The following CFAP300 variants were observed in gnomAD, a reference collection of about 807,000 sequenced individuals.
CFAP300 encodes cilia and flagella associated protein 300, also known as cilia- and flagella-associated protein 300.
CFAP300 carries 32 observed loss-of-function variants against 33.0 expected under a neutral mutation model. That is an observed-to-expected ratio of 0.97 (90% confidence interval 0.73 to 1.30). The LOEUF is 1.30. Ranked by LOEUF, CFAP300 falls within the 50% of genes most tolerant of loss-of-function variation. The pLI is 0.00. For synonymous variants in CFAP300, 102 were observed against 106.8 expected (o/e 0.95, Z 0.28); for missense variants, 356 against 318.1 (o/e 1.12, Z -0.90).
intron 3 of CFAP300, among the ~76,000 whole-genome samples, chr11:102,060,926 T>G (rs1311209670): frequency 6.6e-6 from 1 of 152,126 alleles, no homozygotes; most frequent in East Asian, 1.9e-4. Flanking sequence ...TGAGAGAATA[T>G]ATTTACCCAA....
chr11:102,063,996 G>A (rs546522018), intron 3 of CFAP300, among the ~76,000 whole-genome samples: 1 of 152,070 alleles, frequency 6.6e-6, no homozygotes, highest in South Asian at 2.1e-4. Flanking sequence ...CTACCTCATT[G>A]AAACCCAATT....
At chr11:102,080,261 T>A (rs1481292537) in intron 5 of CFAP300, among the ~76,000 whole-genome samples, 2 of 152,222 alleles carry the variant, frequency 1.3e-5, no homozygotes, top group Admixed American at 6.5e-5. Context: ...ATTTTCTCAA[T>A]CCTTAGTTTG....
intron 3 of CFAP300, among the ~76,000 whole-genome samples, chr11:102,060,936 AC>A (rs1942142090): frequency 1.3e-5 from 2 of 152,150 alleles, no homozygotes; most frequent in Admixed American, 1.3e-4. Flanking sequence ...TATTTACCCA[AC>A]TCAAAATTTT....
At chr11:102,063,632 A>G (rs115763663) in intron 3 of CFAP300, among the ~76,000 whole-genome samples, 1,642 of 152,292 alleles carry the variant, frequency 0.011, 34 homozygotes, top group African/African-American at 0.038. Flanking sequence ...ATTTGAGACT[A>G]GCCTGGGCAA....
chr11:102,066,797 T>G, intron 4 of CFAP300, 146 bp downstream of exon 4: 1 of 654,880 alleles, frequency 1.5e-6, no homozygotes, highest in South Asian at 2.2e-5. Flanking sequence ...ATCCTAACAT[T>G]GGTAGATTTC....
intron 2 of CFAP300, among the ~76,000 whole-genome samples, chr11:102,048,545 C>G (rs1941922307): frequency 6.6e-6 from 1 of 152,148 alleles, no homozygotes; most frequent in South Asian, 2.1e-4. Flanking sequence ...AATATTATCA[C>G]ACAGCTTTAT....
At chr11:102,061,583 C>T (rs757266458) in intron 3 of CFAP300, among the ~76,000 whole-genome samples, 1 of 152,180 alleles carries the variant, frequency 6.6e-6, no homozygotes, top group Non-Finnish European at 1.5e-5. Flanking sequence ...GGGCATCATA[C>T]ACATTAACTC....
At chr11:102,059,916 A>T (rs11225114) in intron 3 of CFAP300, among the ~76,000 whole-genome samples, 2 of 151,052 alleles carry the variant, frequency 1.3e-5, no homozygotes, top group African/African-American at 4.9e-5. Flanking sequence ...CTCCCCAGTA[A>T]CTGGGATTAC....
rs866547497 is a variant in CFAP300 at position 102,083,306 on chromosome 11, T to G, written c.*107T>G. ...TTTGCAAATTAATTCAAGAAAAATGTAAGGAGCCTACTTAGAGCAGAAGAA... is the reference window on the plus strand; with the variant it reads ...TTTGCAAATTAATTCAAGAAAAATGGAAGGAGCCTACTTAGAGCAGAAGAA... On this transcript the variant is annotated 3_prime_UTR_variant, in exon 7 of 7. Coordinates refer to ENST00000434758, the MANE Select transcript of CFAP300 (RefSeq NM_032930.3). 5 of 914,278 alleles carry G rather than the reference T, an allele frequency of 5.5e-6. No homozygotes were observed. The highest frequency in any genetic ancestry group is 4.1e-4 in the Middle Eastern group (1 of 2,422). The allele number at this position is 914,278 out of a possible 1,614,324, so 56.6% of individuals were successfully genotyped here.
intron 3 of CFAP300, among the ~76,000 whole-genome samples, chr11:102,063,650 G>A (rs931470125): frequency 3.3e-5 from 5 of 151,910 alleles, no homozygotes; most frequent in African/African-American, 1.2e-4. Context: ...CAACACAGCA[G>A]ACCCTATCTC....
chr11:102,067,504 A>G (rs1044809624), intron 4 of CFAP300, among the ~76,000 whole-genome samples: 2 of 152,220 alleles, frequency 1.3e-5, no homozygotes, highest in Admixed American at 6.5e-5. Context: ...TAAATTATAT[A>G]GATTATTTAC....
rs1485114698 is a variant in CFAP300, at chr11:102,083,194, T to C, written c.799T>C (p.Ser267Pro). 2.0e-6 allele frequency: 3 copies of C among 1,487,512 alleles called. No homozygotes were observed. Among genetic ancestry groups the C allele is most frequent in the African/African-American group, 2.8e-5 (2 of 70,776 alleles). 92.1% of individuals were successfully genotyped at this position (1,487,512 alleles called of 1,614,324 possible). The change falls in exon 7 of 7, where the codon TCT (serine) becomes CCT (proline). Residue 267 changes from serine to proline, a missense_variant. Ser to Pro is a moderately conservative substitution (Grantham distance 74). Transcript: ENST00000434758. ...CCACTGTTATGGTGTGGGAGACATG[T>C]CTTAATGTTCTTTCAGATTATGTAC... is the stretch of plus-strand genomic sequence containing the variant. The part of the protein sequence containing the change: ...LYHCYGVGDM[S>P]
intron 3 of CFAP300, among the ~76,000 whole-genome samples, chr11:102,060,028 G>C (rs1375784690): frequency 6.6e-6 from 1 of 152,110 alleles, no homozygotes; most frequent in Non-Finnish European, 1.5e-5. Flanking sequence ...CTGGAGTGCA[G>C]TGGTGTGATC....
chr11:102,054,983 C>CTTTT (rs567430596), intron 2 of CFAP300, among the ~76,000 whole-genome samples: 1 of 144,058 alleles, frequency 6.9e-6, no homozygotes. Flanking sequence ...GTTTGATATT[C>CTTTT]TTTTTTTTTT....
intron 2 of CFAP300, among the ~76,000 whole-genome samples, chr11:102,056,649 A>G (rs1942062308): frequency 6.6e-6 from 1 of 151,946 alleles, no homozygotes; most frequent in South Asian, 2.1e-4. Flanking sequence ...GTTTTAAGAT[A>G]GTCTCACTCT....
chr11:102,058,425 TA>T (rs1942091418), intron 2 of CFAP300, among the ~76,000 whole-genome samples: 1 of 151,568 alleles, frequency 6.6e-6, no homozygotes, highest in Admixed American at 6.6e-5. Context: ...CTAAAACTCT[TA>T]CCTGCTTTGT....
At chr11:102,062,482 G>A (rs1174134702) in intron 3 of CFAP300, among the ~76,000 whole-genome samples, 1 of 152,160 alleles carries the variant, frequency 6.6e-6, no homozygotes, top group African/African-American at 2.4e-5. Context: ...GGAAACTGGG[G>A]TAAAGGTGAT....
At chr11:102,059,571 C>T (rs1311628315) in intron 3 of CFAP300, among the ~76,000 whole-genome samples, 3 of 152,010 alleles carry the variant, frequency 2.0e-5, no homozygotes, top group Non-Finnish European at 4.4e-5. Flanking sequence ...TTGATTGGAC[C>T]TGGGAGGTGG....
At chr11:102,047,923 T>G (rs368130129) in intron 2 of CFAP300, 27 bp downstream of exon 2, 1 of 1,607,620 alleles carries the variant, frequency 6.2e-7, no homozygotes, top group Non-Finnish European at 8.5e-7. Flanking sequence ...GAGAGTTCCC[T>G]GGGTCTCTGC....
Sources: allele counts gnomAD v4.1 joint callset (sites outside exome capture counted in the v4.1 genomes callset), GRCh38; gene constraint gnomAD v4.1.1; transcripts MANE v1.5; gene names NCBI Gene and HGNC (gene_info 2026-07-23, HGNC 2026-07-21).